Variants in KIT observed in about 807,000 individuals in gnomAD.
KIT encodes the protein KIT proto-oncogene, receptor tyrosine kinase, also known as mast/stem cell growth factor receptor Kit.
In KIT, 16 loss-of-function variants were observed where a neutral mutation model predicts 105.7. The ratio of observed to expected loss-of-function variants is 0.15; its 90% CI spans 0.10 to 0.23. KIT has a LOEUF of 0.23. Among genes scored for constraint, KIT ranks in the 10% least tolerant of loss-of-function variants. KIT has a pLI of 1.00. For missense variants in KIT, 858 were observed against 1,213.8 expected (o/e 0.71, Z 4.36); for synonymous variants, 438 against 441.1 (o/e 0.99, Z 0.09).
intron 7 of KIT, among the ~76,000 whole-genome samples, chr4:54,713,985 T>C (rs768648850): frequency 3.3e-5 from 5 of 152,172 alleles, no homozygotes; most frequent in Non-Finnish European, 7.3e-5. Context: ...GAGTAGAACT[T>C]CTAGTGGAAA....
At chr4:54,680,875 G>C (rs1577931917) in intron 1 of KIT, among the ~76,000 whole-genome samples, 1 of 152,178 alleles carries the variant, frequency 6.6e-6, no homozygotes, top group East Asian at 1.9e-4. Context: ...GTTTGCACTT[G>C]TCAGGTCCTC....
chr4:54,709,105 A>G (rs1206424820), intron 6 of KIT, among the ~76,000 whole-genome samples: 3 of 132,858 alleles, frequency 2.3e-5, no homozygotes, highest in African/African-American at 8.3e-5. Context: ...AGGAAGTGGT[A>G]TGCGGACAGC....
intron 6 of KIT, among the ~76,000 whole-genome samples, chr4:54,707,950 G>T (rs999817945): frequency 4.6e-5 from 7 of 152,138 alleles, no homozygotes; most frequent in African/African-American, 1.7e-4. Flanking sequence ...GGCTAATAAG[G>T]GCTAAGTGCC....
At chr4:54,711,648 G>A (rs1044382276) in intron 7 of KIT, among the ~76,000 whole-genome samples, 3 of 119,354 alleles carry the variant, frequency 2.5e-5, no homozygotes, top group African/African-American at 7.9e-5. Flanking sequence ...GAGGCTGGAC[G>A]CGGTGGCTCA....
intron 7 of KIT, among the ~76,000 whole-genome samples, chr4:54,714,389 C>A (rs1197393543): frequency 2.6e-5 from 4 of 151,682 alleles, no homozygotes; most frequent in African/African-American, 9.7e-5. Context: ...AGATCCAGGA[C>A]AAATAAAAGG....
chr4:54,685,256 C>A (rs994322340), intron 1 of KIT, among the ~76,000 whole-genome samples: 4 of 152,174 alleles, frequency 2.6e-5, no homozygotes, highest in African/African-American at 9.7e-5. Context: ...CAGAGTATAT[C>A]TGTGGATATA....
At position 54,740,110 on chromosome 4, in the gene KIT, C is replaced by T. The variant is rs917583630; in HGVS notation, c.*1553C>T. The T allele has an allele frequency of 1.3e-5, 3 of 233,558 alleles. No individual in the cohort carries two copies. The highest frequency in any genetic ancestry group is 2.5e-5 in the Non-Finnish European group (3 of 118,020). The allele number at this position is 233,558 out of a possible 1,614,324, so 14.5% of individuals were successfully genotyped here. A position where few individuals can be genotyped will look rare whatever the true frequency, so the allele number is the denominator to read the frequency against. On this transcript the variant is annotated 3_prime_UTR_variant, in exon 21 of 21. Transcript: ENST00000288135. The stretch of plus-strand genomic sequence containing the variant: ...GTACATGGCAGAGTTTGTGTGTTGT[C>T]TTGAAAGATTCAGGTATGTTGCCTT...
In KIT at chr4:54,695,403, C is replaced by T. The variant is rs1719985228; in HGVS notation, c.68-109C>T. 9.6e-6 allele frequency: 11 copies of T among 1,148,938 alleles called. No homozygotes were observed. The South Asian group carries it at 1.4e-4, about 15-fold the overall frequency. 71.2% of individuals were successfully genotyped at this position (1,148,938 alleles called of 1,614,324 possible). The stretch of plus-strand genomic sequence containing the variant: ...GCCATAAATAGCAGGGCAGCTTTGT[C>T]CTATTTTTATTGTAGAGTACACAGA... On this transcript the variant is annotated intron_variant, in intron 1 of 20. Coordinates refer to ENST00000288135, the MANE Select transcript of KIT (RefSeq NM_000222.3).
intron 1 of KIT, among the ~76,000 whole-genome samples, chr4:54,678,145 G>T (rs1255304033): frequency 6.6e-6 from 1 of 152,182 alleles, no homozygotes; most frequent in African/African-American, 2.4e-5. Context: ...CTCACTGTCA[G>T]AATACCGTAG....
chr4:54,705,639 T>C (rs990123417), intron 5 of KIT, among the ~76,000 whole-genome samples: 1 of 152,096 alleles, frequency 6.6e-6, no homozygotes, highest in Non-Finnish European at 1.5e-5. Context: ...TCCCAGCACT[T>C]TGGGAGGCTG....
chr4:54,729,312 A>C (rs1230617286), intron 13 of KIT, 23 bp from the exon 14 acceptor site: 1 of 1,612,202 alleles, frequency 6.2e-7, no homozygotes, highest in Non-Finnish European at 8.5e-7. Flanking sequence ...CCTTCTTTCT[A>C]ACCTTTTCTT....
rs1380364753 is a variant in KIT at position 54,738,734 on chromosome 4, T to C, written c.*177T>C. 4 of 761,940 alleles carry C rather than the reference T, an allele frequency of 5.2e-6. No individual in the cohort carries two copies. Among genetic ancestry groups the C allele is most frequent in the Non-Finnish European group, 9.1e-6 (4 of 438,708 alleles). The allele number at this position is 761,940 out of a possible 1,614,324, so 47.2% of individuals were successfully genotyped here. A position where few individuals can be genotyped will look rare whatever the true frequency, so the allele number is the denominator to read the frequency against. ...TGATTTTTGTCATCAGCCACCATCC[T>C]ATTGCAAAGGTTCCAACTGTATATA... On this transcript the variant is annotated 3_prime_UTR_variant, in exon 21 of 21. Transcript: ENST00000288135.
At chr4:54,719,173 A>C (rs1721693269) in intron 7 of KIT, among the ~76,000 whole-genome samples, 1 of 152,164 alleles carries the variant, frequency 6.6e-6, no homozygotes, top group Non-Finnish European at 1.5e-5. Flanking sequence ...AATATGGGCA[A>C]ATGTGCATTT....
At chr4:54,662,570 G>T (rs977526924) in intron 1 of KIT, among the ~76,000 whole-genome samples, 1 of 152,046 alleles carries the variant, frequency 6.6e-6, no homozygotes, top group Admixed American at 6.6e-5. Context: ...GATTAGAAAG[G>T]CATTTTTTTT....
At chr4:54,673,655 A>G (rs1038098366) in intron 1 of KIT, among the ~76,000 whole-genome samples, 1 of 152,164 alleles carries the variant, frequency 6.6e-6, no homozygotes, top group Non-Finnish European at 1.5e-5. Context: ...TTTATTGTTT[A>G]CACGATGGAT....
At chr4:54,680,084 T>C (rs1718795048) in intron 1 of KIT, among the ~76,000 whole-genome samples, 1 of 152,178 alleles carries the variant, frequency 6.6e-6, no homozygotes, top group African/African-American at 2.4e-5. Context: ...TGGATAATGG[T>C]GATGGCCGTA....
intron 7 of KIT, among the ~76,000 whole-genome samples, chr4:54,722,481 C>T (rs1464029585): frequency 2.6e-5 from 4 of 152,008 alleles, no homozygotes; most frequent in African/African-American, 9.7e-5. Context: ...AATGTAAGAG[C>T]TGGTATTCAG....
intron 14 of KIT, among the ~76,000 whole-genome samples, chr4:54,729,951 A>T (rs1722484553): frequency 6.6e-6 from 1 of 152,178 alleles, no homozygotes; most frequent in African/African-American, 2.4e-5. Flanking sequence ...GCTTCTTGCC[A>T]TCGACCTCTG....
intron 8 of KIT, among the ~76,000 whole-genome samples, chr4:54,724,179 G>A (rs1438926685): frequency 6.6e-6 from 1 of 152,168 alleles, no homozygotes; most frequent in South Asian, 2.1e-4. Flanking sequence ...AATGTGCCCA[G>A]CCCCTGAACA....
Sources: gnomAD v4.1 joint callset for allele counts (sites outside exome capture counted in the v4.1 genomes callset) on GRCh38, gnomAD v4.1.1 for gene constraint, MANE v1.5 for transcripts, NCBI Gene and HGNC (gene_info 2026-07-23, HGNC 2026-07-21) for gene names.